The following PTPRO variants were observed in gnomAD, a reference collection of about 807,000 sequenced individuals.
PTPRO encodes protein tyrosine phosphatase receptor type O, also known as receptor-type tyrosine-protein phosphatase O.
A neutral mutation model predicts 145.2 loss-of-function variants in PTPRO; 62 were observed. That is an observed-to-expected ratio of 0.43 (90% CI 0.35 to 0.53). The LOEUF is 0.53. PTPRO is among the 20% of genes least tolerant of loss of function. PTPRO has a pLI of 0.01. For missense variants in PTPRO, 1,345 were observed against 1,482.7 expected (o/e 0.91, Z 1.53); for synonymous variants, 565 against 514.7 (o/e 1.10, Z -1.32).
intron 1 of PTPRO, among the ~76,000 whole-genome samples, chr12:15,436,688 A>C (rs569780264): frequency 6.6e-6 from 1 of 152,238 alleles, no homozygotes; most frequent in African/African-American, 2.4e-5. Flanking sequence ...GCCATTTTAA[A>C]TCTGGGTGCA....
intron 1 of PTPRO, chr12:15,439,782 CCATCAAAGAATCAGATAT>C (rs1565630364): frequency 3.3e-6 from 2 of 602,876 alleles, no homozygotes; most frequent in Non-Finnish European, 6.2e-6. Flanking sequence ...TTCTCCCTGC[CCATCAAAGAATCAGATAT>C]CATTGACTTT....
At chr12:15,513,221 GAA>G (rs1225404654) in intron 7 of PTPRO, among the ~76,000 whole-genome samples, 1 of 112,548 alleles carries the variant, frequency 8.9e-6, no homozygotes, top group Non-Finnish European at 1.8e-5. Flanking sequence ...AAGAAAGAAA[GAA>G]AGAAAAGAAA....
intron 1 of PTPRO, among the ~76,000 whole-genome samples, chr12:15,432,476 G>A (rs564844201): frequency 1.3e-5 from 2 of 152,318 alleles, no homozygotes; most frequent in South Asian, 2.1e-4. Flanking sequence ...ATGTGCATGT[G>A]TCTTCATGAT....
At chr12:15,516,180 C>G (rs886945982) in intron 8 of PTPRO, among the ~76,000 whole-genome samples, 1 of 149,456 alleles carries the variant, frequency 6.7e-6, no homozygotes, top group Non-Finnish European at 1.5e-5. Flanking sequence ...TTAGTAGAGA[C>G]GGGGTTTCAC....
intron 1 of PTPRO, among the ~76,000 whole-genome samples, chr12:15,380,866 A>G (rs1209168316): frequency 6.6e-6 from 1 of 152,186 alleles, no homozygotes; most frequent in Admixed American, 6.5e-5. Context: ...CACTGGTCTT[A>G]GAAAGAACAT....
chr12:15,473,409 C>T (rs559899599), intron 1 of PTPRO, among the ~76,000 whole-genome samples: 19 of 152,098 alleles, frequency 1.2e-4, no homozygotes, highest in Non-Finnish European at 2.2e-4. Flanking sequence ...ACAAAACATC[C>T]GGTGAACGTA....
intron 18 of PTPRO, 54 bp downstream of exon 18, chr12:15,565,682 C>G (rs933167116): frequency 1.6e-6 from 2 of 1,237,388 alleles, no homozygotes; most frequent in Admixed American, 1.8e-5. Context: ...ATAATCTTAA[C>G]GTTCCAATTA....
intron 1 of PTPRO, among the ~76,000 whole-genome samples, chr12:15,323,875 C>A (rs1866371324): frequency 1.3e-5 from 2 of 151,966 alleles, no homozygotes; most frequent in African/African-American, 2.4e-5. Flanking sequence ...TGGAACAGGA[C>A]CAATGGATTA....
intron 12 of PTPRO, among the ~76,000 whole-genome samples, chr12:15,538,123 C>A (rs980339307): frequency 1.9e-4 from 29 of 152,278 alleles, no homozygotes; most frequent in Non-Finnish European, 3.5e-4. Flanking sequence ...TGGCTCTGTA[C>A]CTGGGCCTGA....
At chr12:15,520,091 T>C (rs1194029058) in intron 9 of PTPRO, 110 bp from the exon 10 acceptor site, 1 of 712,846 alleles carries the variant, frequency 1.4e-6, no homozygotes, top group Non-Finnish European at 2.5e-6. Flanking sequence ...AAAAAGACAA[T>C]ATAAAGGAAA....
intron 23 of PTPRO, among the ~76,000 whole-genome samples, chr12:15,586,217 T>G (rs1300362701): frequency 1.3e-5 from 2 of 152,194 alleles, no homozygotes. Flanking sequence ...AGTGCATTCT[T>G]AGGGAAAGCC....
At chr12:15,581,557 T>C (rs1214720301) in intron 22 of PTPRO, 122 bp from the exon 23 acceptor site, 10 of 1,210,352 alleles carry the variant, frequency 8.3e-6, no homozygotes, top group East Asian at 2.4e-5. Flanking sequence ...GCTTTATGTT[T>C]CATCTTCACC....
chr12:15,577,104 A>C (rs1191062037), intron 19 of PTPRO, among the ~76,000 whole-genome samples: 1 of 152,220 alleles, frequency 6.6e-6, no homozygotes, highest in African/African-American at 2.4e-5. Context: ...ATCTGCCTAA[A>C]TATATTTGGC....
intron 1 of PTPRO, among the ~76,000 whole-genome samples, chr12:15,384,422 A>G (rs1200162741): frequency 6.6e-6 from 1 of 152,126 alleles, no homozygotes; most frequent in African/African-American, 2.4e-5. Flanking sequence ...ATAGTTCTGG[A>G]GGATGGAAAA....
At chr12:15,340,891 G>T (rs1866958301) in intron 1 of PTPRO, among the ~76,000 whole-genome samples, 1 of 152,088 alleles carries the variant, frequency 6.6e-6, no homozygotes, top group Admixed American at 6.6e-5. Context: ...CATTAGATTT[G>T]CAAATTAAAC....
chr12:15,461,996 G>T (rs1333182879), intron 1 of PTPRO, among the ~76,000 whole-genome samples: 3 of 152,178 alleles, frequency 2.0e-5, no homozygotes, highest in Admixed American at 2.0e-4. Flanking sequence ...CACTTTAACA[G>T]CCCCAAGGCT....
At chr12:15,341,668 C>A (rs1866990821) in intron 1 of PTPRO, among the ~76,000 whole-genome samples, 1 of 152,144 alleles carries the variant, frequency 6.6e-6, no homozygotes, top group East Asian at 1.9e-4. Context: ...TCACTTGAAA[C>A]AAAGTGCTGG....
At chr12:15,344,963 T>TC (rs1167921160) in intron 1 of PTPRO, among the ~76,000 whole-genome samples, 1 of 152,248 alleles carries the variant, frequency 6.6e-6, no homozygotes, top group Non-Finnish European at 1.5e-5. Flanking sequence ...TCAGAGGAAT[T>TC]AAGTGATCCC....
intron 24 of PTPRO, among the ~76,000 whole-genome samples, chr12:15,587,463 A>G (rs1449478581): frequency 6.6e-6 from 1 of 152,206 alleles, no homozygotes; most frequent in Admixed American, 6.5e-5. Flanking sequence ...CAAATTATAG[A>G]AAGCTGATCA....
Sources: allele counts gnomAD v4.1 joint callset (sites outside exome capture counted in the v4.1 genomes callset), GRCh38; gene constraint gnomAD v4.1.1; transcripts MANE v1.5; gene names NCBI Gene and HGNC (gene_info 2026-07-23, HGNC 2026-07-21).